MTERF3: variants seen among roughly 807,000 people sequenced by gnomAD.
The protein encoded by MTERF3 is transcription termination factor 3, mitochondrial.
Under a neutral mutation model 40.5 loss-of-function variants are expected in MTERF3, and 40 were observed. The ratio of observed to expected loss-of-function variants is 0.99; its 90% CI spans 0.77 to 1.29. The LOEUF is 1.29. Among genes scored for constraint, MTERF3 ranks in the 50% most tolerant of loss-of-function variants. MTERF3 has a pLI of 0.00. For missense variants in MTERF3, 452 were observed against 478.2 expected (o/e 0.95, Z 0.51); for synonymous variants, 158 against 166.6 (o/e 0.95, Z 0.40).
chr8:96,239,593 G>A lies in MTERF3; in HGVS notation c.1152C>T (p.Tyr384=), dbSNP rs368958973. ...RAQYDPAKPN[Y]ISLDKLVSIP... Reference sequence around the variant, plus strand: ...TAGATACTAGTTTGTCCAAAGAGATGTAGTTAGGTTTTGCTGGATCATACT... The same window carrying A: ...TAGATACTAGTTTGTCCAAAGAGATATAGTTAGGTTTTGCTGGATCATACT... Residue 384 remains tyrosine (Y), a synonymous_variant, in exon 8 of 8, where the codon TAC becomes TAT. Coordinates refer to ENST00000287025, the MANE Select transcript of MTERF3 (RefSeq NM_015942.5). The A allele has an allele frequency of 4.3e-5, 70 of 1,612,896 alleles. No homozygotes were observed. In the African/African-American group the frequency reaches 8.7e-4, roughly 20 times the overall value.
At chr8:96,246,558 G>C (rs1348339620) in intron 4 of MTERF3, 104 bp from the exon 5 acceptor site, 1 of 995,468 alleles carries the variant, frequency 1.0e-6, no homozygotes, top group Non-Finnish European at 1.4e-6. Flanking sequence ...TTTTAAAAAG[G>C]CTCCCACACC....
chr8:96,256,959 T>A lies in MTERF3; in HGVS notation c.487+3A>T, dbSNP rs959722845. 4 of 1,596,132 alleles carry A rather than the reference T, an allele frequency of 2.5e-6. No homozygotes were observed. Among genetic ancestry groups the A allele is most frequent in the Non-Finnish European group, 3.4e-6 (4 of 1,175,286 alleles). Reference sequence around the variant, plus strand: ...AAAGTACTTGTAGTTTAGTCAAACTTACCTAGAAGAACCAACTTCTGCAGA... The same window carrying A: ...AAAGTACTTGTAGTTTAGTCAAACTAACCTAGAAGAACCAACTTCTGCAGA... On this transcript the variant is annotated splice_donor_region_variant and intron_variant, in intron 3 of 7. Coordinates refer to ENST00000287025, the MANE Select transcript of MTERF3 (RefSeq NM_015942.5).
intron 4 of MTERF3, among the ~76,000 whole-genome samples, chr8:96,249,730 G>T (rs995345147): frequency 1.3e-5 from 2 of 152,184 alleles, no homozygotes; most frequent in Non-Finnish European, 2.9e-5. Context: ...GGAGACCATT[G>T]CAGTAATCTT....
chr8:96,260,578 A>G (rs1302995003), intron 1 of MTERF3, among the ~76,000 whole-genome samples: 1 of 152,154 alleles, frequency 6.6e-6, no homozygotes, highest in Non-Finnish European at 1.5e-5. Context: ...ACTTCATCCT[A>G]CTTCAAACTC....
At position 96,246,441 on chromosome 8, in the gene MTERF3, G is replaced by A; in HGVS notation, c.691C>T (p.His231Tyr). The A allele has an allele frequency of 6.2e-7, 1 of 1,609,138 alleles. No homozygotes were observed. Among genetic ancestry groups the A allele is most frequent in the Non-Finnish European group, 8.5e-7 (1 of 1,178,546 alleles). Residue 231 changes from histidine to tyrosine, a missense_variant, in exon 5 of 8, where the codon CAT becomes TAT. Transcript: ENST00000287025. ...TCTGCTTTACTGAAATTTTTTGAAT[G>A]CAGATAAGCCACCCTAGAGAAACAT... The part of the protein sequence containing the change: ...ENLKTRVAYL[H>Y]SKNFSKADVA...
intron 6 of MTERF3, among the ~76,000 whole-genome samples, chr8:96,245,438 A>G (rs1810003456): frequency 6.6e-6 from 1 of 152,212 alleles, no homozygotes; most frequent in African/African-American, 2.4e-5. Flanking sequence ...CTCTTTTCAC[A>G]GAAGTCTTTT....
At chr8:96,257,162 CTA>C in intron 2 of MTERF3, 48 bp from the exon 3 acceptor site, 1 of 1,542,382 alleles carries the variant, frequency 6.5e-7, no homozygotes, top group Non-Finnish European at 8.8e-7. Flanking sequence ...ACACTTAAAA[CTA>C]TTTCTGCAAA....
Position 96,246,306 on chromosome 8 carries a change from C to G in MTERF3, c.825+1G>C. ...TAAACAAATTCTCTCCTTTTCTTTA[C>G]CTTCTTCACACTAAGTTCAAGTTCT... On this transcript the variant is annotated splice_donor_variant, in intron 5 of 7. Transcript: ENST00000287025. LOFTEE classifies it high-confidence loss of function. 6.3e-7 allele frequency: 1 copy of G among 1,592,070 alleles called. No individual in the cohort carries two copies. Among genetic ancestry groups the G allele is most frequent in the African/African-American group, 1.4e-5 (1 of 73,738 alleles).
intron 2 of MTERF3, 85 bp downstream of exon 2, chr8:96,258,272 A>G (rs1184834981): frequency 6.9e-7 from 1 of 1,448,522 alleles, no homozygotes; most frequent in Non-Finnish European, 9.1e-7. Flanking sequence ...ATATTACCTG[A>G]AATGGGCTAG....
At chr8:96,260,043 T>C (rs1400201188) in intron 1 of MTERF3, 1 of 152,204 alleles carries the variant, frequency 6.6e-6, no homozygotes, top group Non-Finnish European at 1.5e-5. Context: ...TAGCTGGGAT[T>C]ACCCACGCCC....
Position 96,239,585 on chromosome 8 carries a change from A to C in MTERF3, c.1160T>G (p.Leu387Trp). Residue 387 changes from leucine (L) to tryptophan (W), a missense_variant, in exon 8 of 8, where the codon TTG becomes TGG. By Grantham distance (61) the Leu-to-Trp change is moderately conservative. Transcript: ENST00000287025. ...YDPAKPNYIS[L>W]DKLVSIPDEI... ...ATCAGGAATAGATACTAGTTTGTCC[A>C]AAGAGATGTAGTTAGGTTTTGCTGG... The C allele has an allele frequency of 1.9e-6, 3 of 1,613,068 alleles. No individual in the cohort carries two copies. Among genetic ancestry groups the C allele is most frequent in the Non-Finnish European group, 2.5e-6 (3 of 1,179,714 alleles).
chr8:96,250,681 A>AAGAAGAAGAAGAAGGAGG (rs1195195158), intron 4 of MTERF3, among the ~76,000 whole-genome samples: 3 of 23,290 alleles, frequency 1.3e-4, no homozygotes, highest in South Asian at 2.4e-3. Context: ...GAAGAAGAAG[A>AAGAAGAAGAAGAAGGAGG]AGGAGGAGGA....
chr8:96,258,327 A>G, intron 2 of MTERF3, 30 bp downstream of exon 2: 13 of 1,566,818 alleles, frequency 8.3e-6, no homozygotes, highest in Non-Finnish European at 1.1e-5. Flanking sequence ...AAGTAGGGAA[A>G]GGGAGACTTT....
rs149422973 is a variant in MTERF3, at chr8:96,250,265, A to G, written c.677+641T>C. Among the ~76,000 whole-genome samples the G allele has an allele frequency of 3.0e-3, 462 of 152,018 alleles. 4 individuals are homozygous for G. The highest frequency in any genetic ancestry group is 4.8e-3 in the Non-Finnish European group (329 of 67,960). On this transcript the variant is annotated intron_variant, in intron 4 of 7. Coordinates refer to ENST00000287025, the MANE Select transcript of MTERF3 (RefSeq NM_015942.5). ...AACAAAAATTGGCCAGACAAAAACT[A>G]CAAAAACCACAAAAGATCATATCTT...
intron 4 of MTERF3, 45 bp from the exon 5 acceptor site, chr8:96,246,499 CT>C (rs371629026): frequency 5.1e-4 from 733 of 1,431,974 alleles, no homozygotes; most frequent in South Asian, 1.5e-3. Context: ...CACTTACATT[CT>C]TTTTTTTTGA....
In MTERF3 at chr8:96,245,910, G is replaced by T. The variant is rs141604955; in HGVS notation, c.847C>A (p.Leu283Ile). Reference sequence around the variant, plus strand: ...AGACTTCCAGTTAGCAGCCTTGGGAGACGAACTACCAGATCTCTAGTCTGT... The same window carrying T: ...AGACTTCCAGTTAGCAGCCTTGGGATACGAACTACCAGATCTCTAGTCTGT... ...VKKTRDLVVR[L>I]PRLLTGSLEP... The change falls in exon 6 of 8, where the codon CTC becomes ATC. Residue 283 changes from leucine (L) to isoleucine (I), a missense_variant. Leu to Ile is a conservative substitution (Grantham distance 5). Transcript: ENST00000287025. The T allele has an allele frequency of 2.6e-4, 420 of 1,613,820 alleles. No homozygotes were observed. The highest frequency in any genetic ancestry group is 2.5e-4 in the Non-Finnish European group (298 of 1,179,952).
chr8:96,261,091 A>T (rs1810376645), intron 1 of MTERF3, among the ~76,000 whole-genome samples: 1 of 152,222 alleles, frequency 6.6e-6, no homozygotes, highest in African/African-American at 2.4e-5. Flanking sequence ...ACTGTTCTCA[A>T]TGAGTGCCTA....
intron 4 of MTERF3, among the ~76,000 whole-genome samples, chr8:96,249,963 G>A (rs1354462039): frequency 6.6e-6 from 1 of 152,068 alleles, no homozygotes; most frequent in Non-Finnish European, 1.5e-5. Context: ...TGACAGGTGG[G>A]GGCGACGATG....
chr8:96,245,964 T>C (rs775764615), intron 5 of MTERF3, 33 bp from the exon 6 acceptor site: 1 of 1,574,016 alleles, frequency 6.4e-7, no homozygotes, highest in Non-Finnish European at 8.7e-7. Flanking sequence ...CTAGTATTAC[T>C]ATACGTGCAT....
Sources: gnomAD v4.1 joint callset for allele counts (sites outside exome capture counted in the v4.1 genomes callset) on GRCh38, gnomAD v4.1.1 for gene constraint, MANE v1.5 for transcripts, NCBI Gene and HGNC (gene_info 2026-07-23, HGNC 2026-07-21) for gene names.